PARD3B: variants seen among roughly 807,000 people sequenced by gnomAD.
The protein encoded by PARD3B is par-3 family cell polarity regulator beta.
A neutral mutation model predicts 130.2 loss-of-function variants in PARD3B; 103 were observed. The observed-to-expected ratio is 0.79, with a 90% CI of 0.67 to 0.93. The LOEUF (loss-of-function observed/expected upper bound fraction) is 0.93, where lower values mean the gene tolerates loss of function less well. Among genes scored for constraint, PARD3B ranks in the 40% least tolerant of loss-of-function variants. The pLI, the probability that PARD3B is intolerant of heterozygous loss-of-function variation, is 0.00. For synonymous variants in PARD3B, 583 were observed against 553.2 expected, an observed-to-expected ratio of 1.05 and a Z score of -0.76; for missense variants, 1,609 against 1,499.2, an observed-to-expected ratio of 1.07 and a Z score of -1.21.
At position 205,125,412 on chromosome 2, in the gene PARD3B, G is replaced by A. The variant is rs900499486; in HGVS notation, c.1306-197G>A. On this transcript the variant is annotated intron_variant, in intron 9 of 22. Coordinates refer to ENST00000406610, the MANE Select transcript of PARD3B (RefSeq NM_001302769.2). This position sits in a 1 kb window ranked among gnomAD's most constrained non-coding sequence, Gnocchi z 4.0. Reference sequence around the variant, plus strand: ...GGAAAAACTGCTGATATTAATTACCGACTCTGAGTTCATCCAGCATCATGA... The same window carrying A: ...GGAAAAACTGCTGATATTAATTACCAACTCTGAGTTCATCCAGCATCATGA... 6.6e-6 allele frequency among the ~76,000 whole-genome samples: 1 copy of A among 152,242 alleles called. No individual in the cohort carries two copies. The highest frequency in any genetic ancestry group is 2.1e-4 in the South Asian group (1 of 4,826).
chr2:205,553,920 C>T (rs943031021), intron 22 of PARD3B, among the ~76,000 whole-genome samples: 1 of 152,026 alleles, frequency 6.6e-6, no homozygotes, highest in Non-Finnish European at 1.5e-5. Context: ...GGGAAAGAAA[C>T]AACTGCATGG....
At chr2:204,783,176 A>G (rs965547366) in intron 2 of PARD3B, among the ~76,000 whole-genome samples, 3 of 152,148 alleles carry the variant, frequency 2.0e-5, no homozygotes, top group Admixed American at 6.5e-5. Context: ...AATGGAGACA[A>G]TGCAGTTTAG....
chr2:204,994,056 G>T (rs1481460216), intron 3 of PARD3B, among the ~76,000 whole-genome samples: 4 of 149,892 alleles, frequency 2.7e-5, no homozygotes, highest in Admixed American at 2.6e-4. Flanking sequence ...ATTTTTTGAA[G>T]GGTTTTTTGT....
intron 1 of PARD3B, among the ~76,000 whole-genome samples, chr2:204,679,092 G>T (rs1017098992): frequency 6.6e-6 from 1 of 152,168 alleles, no homozygotes; most frequent in Non-Finnish European, 1.5e-5. Context: ...GCAATTTCAT[G>T]TTGCGAGATT....
intron 15 of PARD3B, among the ~76,000 whole-genome samples, chr2:205,209,999 A>G (rs1289393000): frequency 6.6e-6 from 1 of 152,064 alleles, no homozygotes; most frequent in Non-Finnish European, 1.5e-5. Flanking sequence ...CTAGGTCAGA[A>G]CATCTCATGT....
chr2:205,190,698 TG>T (rs2036348452), intron 14 of PARD3B, among the ~76,000 whole-genome samples: 1 of 152,182 alleles, frequency 6.6e-6, no homozygotes, highest in Admixed American at 6.5e-5. Context: ...TAATCCCTTC[TG>T]GCTCTTAAAC....
chr2:204,970,801 G>A (rs1487349391), intron 3 of PARD3B, among the ~76,000 whole-genome samples: 1 of 152,142 alleles, frequency 6.6e-6, no homozygotes, highest in Non-Finnish European at 1.5e-5. Flanking sequence ...TTGATATAAA[G>A]TAATCTAAGT....
In PARD3B at chr2:205,253,859, T is replaced by G. The variant is rs551273876; in HGVS notation, c.2185+8037T>G. Among the ~76,000 whole-genome samples the G allele has an allele frequency of 6.6e-6, 1 of 152,062 alleles. No individual in the cohort carries two copies. The highest frequency in any genetic ancestry group is 1.9e-4 in the East Asian group (1 of 5,160). ...TCAATTGAGAAAGCTGCTGAGAAAG[T>G]AGAATTCATAGTGGAGAACTGCATT... On this transcript the variant is annotated intron_variant, in intron 16 of 22. Coordinates refer to ENST00000406610, the MANE Select transcript of PARD3B (RefSeq NM_001302769.2). The surrounding 1 kb of genome is among the most constrained non-coding windows in gnomAD (Gnocchi z 4.4).
rs898141858 is a variant in PARD3B, at chr2:205,160,061, G to A, written c.1620+1154G>A. ...TTCTGGCTTTGTTGAAGCAACTGTC[G>A]TCTCACACTTACCCTTCCACTTTTG... On this transcript the variant is annotated intron_variant, in intron 11 of 22. Coordinates refer to ENST00000406610, the MANE Select transcript of PARD3B (RefSeq NM_001302769.2). The surrounding 1 kb of genome is among the most constrained non-coding windows in gnomAD (Gnocchi z 4.0). 5.9e-5 allele frequency among the ~76,000 whole-genome samples: 9 copies of A among 152,164 alleles called. No homozygotes were observed. Among genetic ancestry groups the A allele is most frequent in the African/African-American group, 1.9e-4 (8 of 41,422 alleles).
chr2:204,556,529 A>C (rs915878207), intron 1 of PARD3B, among the ~76,000 whole-genome samples: 10 of 152,186 alleles, frequency 6.6e-5, no homozygotes, highest in African/African-American at 2.4e-4. Flanking sequence ...AAAGATGATG[A>C]AGAATTTTCC....
chr2:205,251,966 G>C (rs1307137830), intron 16 of PARD3B, among the ~76,000 whole-genome samples: 1 of 152,104 alleles, frequency 6.6e-6, no homozygotes, highest in Non-Finnish European at 1.5e-5. Flanking sequence ...ATTTCCATGG[G>C]ATTCAGGAAG....
intron 15 of PARD3B, among the ~76,000 whole-genome samples, chr2:205,211,314 A>G (rs947429699): frequency 6.6e-6 from 1 of 152,020 alleles, no homozygotes. Context: ...GTATGTATCC[A>G]TACATACAAT....
chr2:205,508,248 T>C (rs1207995889), intron 21 of PARD3B, among the ~76,000 whole-genome samples: 2 of 152,044 alleles, frequency 1.3e-5, no homozygotes, highest in Non-Finnish European at 2.9e-5. Flanking sequence ...CTTTAGAAGG[T>C]GAGATGGGGT....
chr2:204,999,325 G>T (rs899754393), intron 3 of PARD3B, among the ~76,000 whole-genome samples: 2 of 152,118 alleles, frequency 1.3e-5, no homozygotes, highest in East Asian at 1.9e-4. Context: ...TTAAATGGAA[G>T]TATATTTAAA....
In PARD3B at chr2:205,196,854, A is replaced by G. The variant is rs182196547; in HGVS notation, c.2140+3534A>G. ...CTCATGTCAGCATCACCCCATTTAAATTATCTTGCTATTATGTCTTGTTTT... is the reference window on the plus strand; with the variant it reads ...CTCATGTCAGCATCACCCCATTTAAGTTATCTTGCTATTATGTCTTGTTTT... On this transcript the variant is annotated intron_variant, in intron 15 of 22. Transcript: ENST00000406610. Among the ~76,000 whole-genome samples the G allele has an allele frequency of 1.6e-3, 237 of 152,192 alleles. 2 individuals carry two copies. The highest frequency in any genetic ancestry group is 4.4e-4 in the Non-Finnish European group (30 of 68,004).
At chr2:204,959,592 C>T (rs961247815) in intron 2 of PARD3B, among the ~76,000 whole-genome samples, 2 of 152,308 alleles carry the variant, frequency 1.3e-5, no homozygotes, top group Non-Finnish European at 2.9e-5. Flanking sequence ...TACACTCCCA[C>T]CAACAGTGTA....
intron 1 of PARD3B, among the ~76,000 whole-genome samples, chr2:204,570,872 G>A (rs1294415894): frequency 6.7e-6 from 1 of 149,350 alleles, no homozygotes; most frequent in African/African-American, 2.5e-5. Flanking sequence ...TGTAACTGAG[G>A]TGTATAAGCT....
intron 22 of PARD3B, among the ~76,000 whole-genome samples, chr2:205,555,513 T>C (rs1449814109): frequency 6.6e-6 from 1 of 152,172 alleles, no homozygotes; most frequent in African/African-American, 2.4e-5. Context: ...TCTAAACAAG[T>C]ATATTTTAGG....
At chr2:205,068,202 C>T (rs534718675) in intron 4 of PARD3B, among the ~76,000 whole-genome samples, 117 of 152,296 alleles carry the variant, frequency 7.7e-4, no homozygotes, top group African/African-American at 2.7e-3. Context: ...AGATGACTTA[C>T]TCAGATTTTC....
Sources: allele counts gnomAD v4.1 joint callset (sites outside exome capture counted in the v4.1 genomes callset), GRCh38; gene constraint gnomAD v4.1.1; non-coding constraint Gnocchi (gnomAD v3.1); transcripts MANE v1.5; gene names NCBI Gene and HGNC (gene_info 2026-07-23, HGNC 2026-07-21).